VPS13C: variants seen among roughly 807,000 people sequenced by gnomAD.
VPS13C encodes the protein vacuolar protein sorting 13 homolog C, also known as intermembrane lipid transfer protein VPS13C.
Under a neutral mutation model 456.8 loss-of-function variants are expected in VPS13C, and 358 were observed. The ratio of observed to expected loss-of-function variants is 0.78; its 90% CI spans 0.72 to 0.86. VPS13C has a LOEUF of 0.86. Among genes scored for constraint, VPS13C ranks in the 40% least tolerant of loss-of-function variants. The pLI, the probability that VPS13C is intolerant of heterozygous loss-of-function variation, is 0.00. For missense variants in VPS13C, 4,818 were observed against 4,385.4 expected (o/e 1.10, Z -2.79); for synonymous variants, 1,578 against 1,486.7 (o/e 1.06, Z -1.41).
chr15:61,927,992 T>C (rs1398001369), intron 51 of VPS13C, among the ~76,000 whole-genome samples: 1 of 131,934 alleles, frequency 7.6e-6, no homozygotes, highest in African/African-American at 2.9e-5. Flanking sequence ...AACTGAACAA[T>C]GAGAACACAT....
chr15:61,985,048 ACTTT>A (rs2046001476), intron 18 of VPS13C, 49 bp from the exon 19 acceptor site: 6 of 1,264,548 alleles, frequency 4.7e-6, no homozygotes, highest in South Asian at 2.5e-5. Context: ...AATAATTATT[ACTTT>A]CTTTAATAAT....
intron 66 of VPS13C, among the ~76,000 whole-genome samples, chr15:61,902,068 C>A (rs572312577): frequency 1.2e-4 from 16 of 135,732 alleles, no homozygotes; most frequent in African/African-American, 4.5e-4. Flanking sequence ...ACAATGCGAT[C>A]ACATGGACAC....
intron 1 of VPS13C, among the ~76,000 whole-genome samples, chr15:62,057,691 T>C (rs1350031790): frequency 1.3e-5 from 2 of 152,342 alleles, no homozygotes; most frequent in East Asian, 3.9e-4. Context: ...GAATACCTTA[T>C]TCTAAAAATT....
intron 15 of VPS13C, among the ~76,000 whole-genome samples, chr15:62,005,684 A>AT (rs1393398371): frequency 6.7e-6 from 1 of 149,816 alleles, no homozygotes; most frequent in Non-Finnish European, 1.5e-5. Flanking sequence ...TTTAGTGCTT[A>AT]TTTTTTTTAT....
intron 81 of VPS13C, chr15:61,865,819 T>C (rs1452427986): frequency 1.1e-6 from 1 of 877,102 alleles, no homozygotes; most frequent in African/African-American, 1.8e-5. Flanking sequence ...TATATGAAGA[T>C]TAGAGGATAA....
At chr15:61,860,422 G>C (rs926545477) in intron 82 of VPS13C, among the ~76,000 whole-genome samples, 1 of 151,946 alleles carries the variant, frequency 6.6e-6, no homozygotes. Context: ...AAAATGACTT[G>C]GCGATATACA....
At chr15:61,903,018 G>T (rs539592103) in intron 66 of VPS13C, among the ~76,000 whole-genome samples, 26 of 151,780 alleles carry the variant, frequency 1.7e-4, no homozygotes, top group Non-Finnish European at 3.7e-4. Context: ...GTTGCAGGAC[G>T]CAAAATCAAT....
rs1444443827 is a variant in VPS13C at position 62,041,843 on chromosome 15, C to A, written c.145-477G>T. Among the ~76,000 whole-genome samples the A allele has an allele frequency of 6.6e-5, 10 of 151,946 alleles. No individual in the cohort carries two copies. In the East Asian group the frequency reaches 1.9e-3, roughly 29 times the overall value. On this transcript the variant is annotated intron_variant, in intron 2 of 84. Coordinates refer to ENST00000644861, the MANE Select transcript of VPS13C (RefSeq NM_020821.3). ...TCAAAAAAAAAAATTATAACTTAAA[C>A]TTTGACTTTAAAGAAAGAATTCACA...
At chr15:61,927,868 AAG>A (rs1334201509) in intron 51 of VPS13C, among the ~76,000 whole-genome samples, 1 of 152,206 alleles carries the variant, frequency 6.6e-6, no homozygotes, top group Non-Finnish European at 1.5e-5. Context: ...AGCCATAAAA[AAG>A]AATGAGTTCA....
chr15:61,959,429 T>A lies in VPS13C; in HGVS notation c.4056+19A>T, dbSNP rs1436785229. The A allele has an allele frequency of 1.3e-6, 2 of 1,544,816 alleles. No individual in the cohort carries two copies. Among genetic ancestry groups the A allele is most frequent in the Non-Finnish European group, 1.8e-6 (2 of 1,140,014 alleles). On this transcript the variant is annotated intron_variant, in intron 36 of 84. Coordinates refer to ENST00000644861, the MANE Select transcript of VPS13C (RefSeq NM_020821.3). ...TTAAAATTTCAACAATGAAGTTTTT[T>A]CTTCACTCATATACTTACATTCATT... is the stretch of plus-strand genomic sequence containing the variant.
In VPS13C at chr15:61,985,107, A is replaced by G. The variant is rs931678167; in HGVS notation, c.1579-108T>C. The G allele has an allele frequency of 1.0e-5, 9 of 900,372 alleles. No individual in the cohort carries two copies. The Admixed American group carries it at 1.9e-4, about 19-fold the overall frequency. The allele number at this position is 900,372 out of a possible 1,614,324, so 55.8% of individuals were successfully genotyped here. On this transcript the variant is annotated intron_variant, in intron 18 of 84. Coordinates refer to ENST00000644861, the MANE Select transcript of VPS13C (RefSeq NM_020821.3). ...AATTATAAAGCAACCTAACAAATACAGCATGGCAGGTTCTGGCATCCACAT... is the reference window on the plus strand; with the variant it reads ...AATTATAAAGCAACCTAACAAATACGGCATGGCAGGTTCTGGCATCCACAT...
chr15:62,048,099 CTTTT>C (rs1567148264), intron 1 of VPS13C, among the ~76,000 whole-genome samples: 2 of 134,344 alleles, frequency 1.5e-5, no homozygotes, highest in South Asian at 2.4e-4. Context: ...TTCTCATTTT[CTTTT>C]TTTATTTTAT....
chr15:61,971,228 G>C (rs565188109), intron 27 of VPS13C, among the ~76,000 whole-genome samples: 117 of 152,222 alleles, frequency 7.7e-4, no homozygotes, highest in South Asian at 2.1e-3. Context: ...GAGCAGAGTA[G>C]TAACATGATC....
intron 17 of VPS13C, among the ~76,000 whole-genome samples, chr15:61,991,410 A>G (rs2046220346): frequency 6.6e-6 from 1 of 152,208 alleles, no homozygotes; most frequent in Non-Finnish European, 1.5e-5. Context: ...AAAATGCTAA[A>G]TGTTGAGATC....
chr15:61,872,209 A>G (rs549458355), intron 78 of VPS13C, among the ~76,000 whole-genome samples, 175 bp from the exon 79 acceptor site: 2 of 152,328 alleles, frequency 1.3e-5, no homozygotes, highest in South Asian at 4.1e-4. Flanking sequence ...TGATTTTTCA[A>G]ATATCATATC....
intron 82 of VPS13C, among the ~76,000 whole-genome samples, chr15:61,862,405 T>C (rs546357217): frequency 6.6e-6 from 1 of 152,208 alleles, no homozygotes; most frequent in South Asian, 2.1e-4. Flanking sequence ...TTAAATCAAA[T>C]AGGTACTAAG....
Position 61,929,604 on chromosome 15 carries a change from T to C in VPS13C, c.6183A>G (p.Ala2061=). ...GAGGCACAGCTTTGATAAAGAAATC[T>C]GCCACAGTCATCAGAAATTCCACAC... ...CASVEFLMTV[A]DFFIKAVPQS... is the part of the protein sequence containing the mutation. Residue 2061 remains alanine (A), a synonymous_variant, in exon 51 of 85, where the codon GCA becomes GCG. Transcript: ENST00000644861. 2 of 1,614,152 alleles carry C rather than the reference T, an allele frequency of 1.2e-6. No homozygotes were observed. The highest frequency in any genetic ancestry group is 1.7e-6 in the Non-Finnish European group (2 of 1,180,014).
chr15:61,908,427 T>C (rs2043208480), intron 65 of VPS13C, among the ~76,000 whole-genome samples: 1 of 151,872 alleles, frequency 6.6e-6, no homozygotes, highest in Admixed American at 6.6e-5. Flanking sequence ...TTCTCTACCA[T>C]TAAATAATGA....
At position 61,853,883 on chromosome 15, in the gene VPS13C, A is replaced by C. The variant is rs901582333; in HGVS notation, c.*574T>G. ...ACTCATCTCTACTAAAAATACAAAA[A>C]AAAAAAAAATTACCCAGGCGTGGTG... is the stretch of plus-strand genomic sequence containing the variant. On this transcript the variant is annotated 3_prime_UTR_variant, in exon 85 of 85. Transcript: ENST00000644861. 2 of 152,100 alleles carry C rather than the reference A, an allele frequency of 1.3e-5. No homozygotes were observed. The highest frequency in any genetic ancestry group is 4.8e-5 in the African/African-American group (2 of 41,302). The allele number at this position is 152,100 out of a possible 1,614,324, so 9.4% of individuals were successfully genotyped here.
Sources: gnomAD v4.1 joint callset for allele counts (sites outside exome capture counted in the v4.1 genomes callset) on GRCh38, gnomAD v4.1.1 for gene constraint, MANE v1.5 for transcripts, NCBI Gene and HGNC (gene_info 2026-07-23, HGNC 2026-07-21) for gene names.